The following PSPC1 variants were observed in gnomAD, a reference collection of about 807,000 sequenced individuals.
PSPC1 encodes paraspeckle protein 1.
Under a neutral mutation model 51.6 loss-of-function variants are expected in PSPC1, and 14 were observed. That is an observed-to-expected ratio of 0.27 (90% CI 0.18 to 0.42). The LOEUF is 0.42. Ranked by LOEUF, PSPC1 falls within the 10% of genes least tolerant of loss-of-function variation. The pLI, the probability that PSPC1 is intolerant of heterozygous loss-of-function variation, is 1.00. For synonymous variants in PSPC1, 193 were observed against 231.9 expected, an observed-to-expected ratio of 0.83 and a Z score of 1.53; for missense variants, 406 against 701.1, an observed-to-expected ratio of 0.58 and a Z score of 4.75.
intron 6 of PSPC1, among the ~76,000 whole-genome samples, chr13:19,696,562 A>T (rs1367546846): frequency 6.6e-6 from 1 of 151,974 alleles, no homozygotes; most frequent in Admixed American, 6.6e-5. Flanking sequence ...AAATATTTTA[A>T]TATATATACT....
chr13:19,731,673 C>CA (rs1340981219), intron 5 of PSPC1, among the ~76,000 whole-genome samples: 1 of 152,174 alleles, frequency 6.6e-6, no homozygotes, highest in African/African-American at 2.4e-5. Flanking sequence ...CTCAATCTCC[C>CA]AAAGTGCTGG....
At chr13:19,747,648 C>T (rs17086336) in intron 4 of PSPC1, among the ~76,000 whole-genome samples, 15,472 of 152,074 alleles carry the variant, frequency 0.1, 913 homozygotes, top group African/African-American at 0.16. Context: ...TTTGTTGTTA[C>T]GATTTTTGGG....
At chr13:19,673,946 A>G (rs1876330550), downstream of PSPC1, among the ~76,000 whole-genome samples, 1 of 152,254 alleles carries the variant, frequency 6.6e-6, no homozygotes, top group African/African-American at 2.4e-5. Flanking sequence ...CTGAGGACAC[A>G]GACCTAGTCA....
chr13:19,703,209 T>C lies in PSPC1; in HGVS notation c.1538A>G (p.Asn513Ser), dbSNP rs1880171199. ...ACGACGCTTATTAGGGCCTTCAAAGTTGCCCCCTTGACTTCCTCTACCAAA... is the reference window on the plus strand; with the variant it reads ...ACGACGCTTATTAGGGCCTTCAAAGCTGCCCCCTTGACTTCCTCTACCAAA... ...GGFGRGSQGG[N>S]FEGPNKRRRY The change falls in exon 9 of 9, where the codon AAC becomes AGC. Residue 513 changes from asparagine (N) to serine (S), a missense_variant. Asn to Ser is a conservative substitution (Grantham distance 46, BLOSUM62 1). This residue lies in a region of PSPC1 where 34 missense variants were observed against 158.6 expected (regional missense o/e 0.21). Coordinates refer to ENST00000338910, the MANE Select transcript of PSPC1 (RefSeq NM_001354909.2). 1.2e-6 allele frequency: 2 copies of C among 1,614,140 alleles called. No individual in the cohort carries two copies. Among genetic ancestry groups the C allele is most frequent in the East Asian group, 2.2e-5 (1 of 44,878 alleles).
At chr13:19,755,043 A>G (rs1301374415) in intron 3 of PSPC1, among the ~76,000 whole-genome samples, 1 of 151,924 alleles carries the variant, frequency 6.6e-6, no homozygotes, top group Non-Finnish European at 1.5e-5. Context: ...GACCACGCTG[A>G]GCAACATGAC....
In PSPC1 at chr13:19,741,559, T is replaced by A; in HGVS notation, c.1052+6A>T. On this transcript the variant is annotated splice_donor_region_variant and intron_variant, in intron 5 of 8. Coordinates refer to ENST00000338910, the MANE Select transcript of PSPC1 (RefSeq NM_001354909.2). ...ATTCATGTTTCTTAAAATGATCTTC[T>A]TTTACCTTAGTTGTATTTGCTTCCG... The A allele has an allele frequency of 4.5e-6, 7 of 1,551,614 alleles. No individual in the cohort carries two copies. Among genetic ancestry groups the A allele is most frequent in the Non-Finnish European group, 6.2e-6 (7 of 1,131,240 alleles).
At chr13:19,758,643 G>A (rs1887319687) in intron 3 of PSPC1, among the ~76,000 whole-genome samples, 2 of 151,806 alleles carry the variant, frequency 1.3e-5, no homozygotes, top group African/African-American at 4.8e-5. Context: ...GACCAGCCTG[G>A]CCAACATGGC....
exon 7 of PSPC1, chr13:19,677,772 T>C (rs1156674788): frequency 2.1e-6 from 1 of 486,100 alleles, no homozygotes; most frequent in Admixed American, 2.1e-5. Context: ...TCTTCTGAAT[T>C]ACACTGCAAG....
intron 6 of PSPC1, among the ~76,000 whole-genome samples, chr13:19,679,542 T>C (rs1877045403): frequency 6.6e-6 from 1 of 152,218 alleles, no homozygotes; most frequent in African/African-American, 2.4e-5. Context: ...CGAGTGGTTG[T>C]GTCTATACTG....
chr13:19,733,431 C>A (rs760846951), intron 5 of PSPC1, among the ~76,000 whole-genome samples: 1 of 151,978 alleles, frequency 6.6e-6, no homozygotes, highest in Non-Finnish European at 1.5e-5. Flanking sequence ...GTGGGAGGAT[C>A]ACTTGAGTGA....
downstream of PSPC1, among the ~76,000 whole-genome samples, chr13:19,674,099 C>T (rs1393687153): frequency 6.6e-6 from 1 of 152,238 alleles, no homozygotes; most frequent in African/African-American, 2.4e-5. Flanking sequence ...TGTGGCCAGA[C>T]TCGCATCATG....
rs115109775 is a variant in PSPC1, at chr13:19,744,491, G to A, written c.968-2842C>T. On this transcript the variant is annotated intron_variant, in intron 4 of 8. Coordinates refer to ENST00000338910, the MANE Select transcript of PSPC1 (RefSeq NM_001354909.2). ...ATATTTCACTAAAGCTTATACATCT[G>A]TACACTGCCATGATAATATCTTTCT... Among the ~76,000 whole-genome samples the A allele has an allele frequency of 4.9e-3, 745 of 152,168 alleles. 7 individuals are homozygous for A. Among genetic ancestry groups the A allele is most frequent in the African/African-American group, 0.017 (692 of 41,524 alleles).
rs886408042 is a variant in PSPC1 at position 19,782,052 on chromosome 13, C to T, written c.372+334G>A. Among the ~76,000 whole-genome samples the T allele has an allele frequency of 2.6e-5, 4 of 152,226 alleles. No homozygotes were observed. The highest frequency in any genetic ancestry group is 9.6e-5 in the African/African-American group (4 of 41,466). ...CGGACCCTTTCGGTACCCGGGGCAA[C>T]GGGGAACCCGGGAGCGCTCGCTACC... On this transcript the variant is annotated intron_variant, in intron 1 of 8. Transcript: ENST00000338910. This position sits in a 1 kb window ranked among gnomAD's most constrained non-coding sequence, Gnocchi z 4.5.
In PSPC1 at chr13:19,691,504, A is replaced by G. The variant is rs538284609; in HGVS notation, c.1159-13681T>C. ...ACCACTGCACTCCAGCCTGAGTGAC[A>G]GAGTGAGACCTTGTCTCGAAAAAAG... On this transcript the variant is annotated intron_variant and NMD_transcript_variant, in intron 6 of 7. Coordinates refer to the PSPC1 transcript ENST00000471658. Among the ~76,000 whole-genome samples the G allele has an allele frequency of 2.6e-5, 4 of 152,344 alleles. No individual in the cohort carries two copies. In the South Asian group the frequency reaches 8.3e-4, roughly 32 times the overall value.
At chr13:19,694,574 CTG>C (rs1878985633) in intron 6 of PSPC1, among the ~76,000 whole-genome samples, 1 of 152,192 alleles carries the variant, frequency 6.6e-6, no homozygotes, top group Admixed American at 6.5e-5. Flanking sequence ...AAATACTTAA[CTG>C]TATTTAGATT....
chr13:19,742,647 G>A (rs943816528), intron 4 of PSPC1, among the ~76,000 whole-genome samples: 2 of 152,166 alleles, frequency 1.3e-5, no homozygotes, highest in Admixed American at 6.6e-5. Context: ...ATTGAGACAG[G>A]AGAATCACTT....
intron 5 of PSPC1, among the ~76,000 whole-genome samples, chr13:19,731,560 C>G (rs151170893): frequency 1.3e-5 from 2 of 152,112 alleles, no homozygotes; most frequent in African/African-American, 4.8e-5. Flanking sequence ...ACTACGGGCA[C>G]GTGCCACTAT....
intron 4 of PSPC1, among the ~76,000 whole-genome samples, chr13:19,747,463 G>A (rs577936290): frequency 2.0e-5 from 3 of 152,038 alleles, no homozygotes; most frequent in Non-Finnish European, 4.4e-5. Flanking sequence ...TTCCCAAGTA[G>A]CTGCAACTAC....
At chr13:19,759,586 A>G (rs1887420855) in intron 2 of PSPC1, among the ~76,000 whole-genome samples, 168 bp from the exon 3 acceptor site, 1 of 152,166 alleles carries the variant, frequency 6.6e-6, no homozygotes, top group South Asian at 2.1e-4. Context: ...CAACAGCCGA[A>G]GCAGTGGCTC....
Sources: gnomAD v4.1 joint callset for allele counts (sites outside exome capture counted in the v4.1 genomes callset) on GRCh38, gnomAD v4.1.1 for gene constraint, gnomAD v4.1.1 regional missense constraint, Gnocchi (gnomAD v3.1) non-coding constraint, MANE v1.5 for transcripts, NCBI Gene and HGNC (gene_info 2026-07-23, HGNC 2026-07-21) for gene names.